The following SNTG2 variants were observed in gnomAD, a reference collection of about 807,000 sequenced individuals.
SNTG2 encodes the protein syntrophin gamma 2, also known as gamma-2-syntrophin.
SNTG2 carries 74 observed loss-of-function variants against 70.9 expected under a neutral mutation model. That is an observed-to-expected ratio of 1.04 (90% CI 0.86 to 1.27). The LOEUF (loss-of-function observed/expected upper bound fraction) is 1.27, where lower values mean the gene tolerates loss of function less well. Ranked by LOEUF, SNTG2 falls within the 50% of genes most tolerant of loss-of-function variation. The pLI is 0.00. For synonymous variants in SNTG2, 278 were observed against 273.8 expected (o/e 1.02, Z -0.15); for missense variants, 717 against 690.7 (o/e 1.04, Z -0.43).
At chr2:1,335,080 T>A (rs1659731820) in intron 16 of SNTG2, among the ~76,000 whole-genome samples, 1 of 152,190 alleles carries the variant, frequency 6.6e-6, no homozygotes, top group African/African-American at 2.4e-5. Context: ...ATAAAGAGAT[T>A]CATGTGTTTT....
intron 12 of SNTG2, among the ~76,000 whole-genome samples, chr2:1,258,204 A>T (rs1678230108): frequency 6.6e-6 from 1 of 152,194 alleles, no homozygotes; most frequent in Non-Finnish European, 1.5e-5. Flanking sequence ...TATTTCAGGC[A>T]TCCATCAGCA....
At chr2:1,117,135 T>G (rs1166028069) in intron 4 of SNTG2, among the ~76,000 whole-genome samples, 2 of 151,860 alleles carry the variant, frequency 1.3e-5, no homozygotes, top group Non-Finnish European at 2.9e-5. Flanking sequence ...GTAGGTGCTC[T>G]GGTGCGTGGG....
At chr2:1,183,882 T>A (rs1672087907) in intron 8 of SNTG2, among the ~76,000 whole-genome samples, 1 of 152,366 alleles carries the variant, frequency 6.6e-6, no homozygotes, top group African/African-American at 2.4e-5. Context: ...CCAATTTTTT[T>A]TTCTCAAACA....
At chr2:1,012,152 C>T (rs192185697) in intron 1 of SNTG2, among the ~76,000 whole-genome samples, 22 of 152,264 alleles carry the variant, frequency 1.4e-4, no homozygotes, top group African/African-American at 4.6e-4. Context: ...ATACGAGCAA[C>T]GATCACAGTG....
chr2:1,041,101 C>A (rs543347594), intron 1 of SNTG2, among the ~76,000 whole-genome samples: 3 of 152,176 alleles, frequency 2.0e-5, no homozygotes, highest in African/African-American at 4.8e-5. Context: ...GCATCTGTCC[C>A]GCAGCATGTT....
chr2:1,277,915 G>A (rs1448204990), intron 14 of SNTG2, among the ~76,000 whole-genome samples: 1 of 152,242 alleles, frequency 6.6e-6, no homozygotes, highest in South Asian at 2.1e-4. Context: ...CTCCATGTCA[G>A]TGGGGTTTCC....
intron 8 of SNTG2, among the ~76,000 whole-genome samples, chr2:1,197,549 G>GTA (rs149042012): frequency 7.2e-6 from 1 of 138,626 alleles, no homozygotes; most frequent in Non-Finnish European, 1.5e-5. Flanking sequence ...GTGTGTGTGT[G>GTA]TATATTTGAT....
intron 15 of SNTG2, among the ~76,000 whole-genome samples, chr2:1,312,231 A>G (rs956296934): frequency 1.3e-5 from 2 of 152,102 alleles, no homozygotes; most frequent in African/African-American, 4.8e-5. Context: ...TTTTTAATTA[A>G]AGAGGATAAA....
rs564774678 is a variant in SNTG2, at chr2:1,083,546, A to T, written c.101A>T (p.Asp34Val). 7.4e-6 allele frequency: 12 copies of T among 1,613,722 alleles called. No homozygotes were observed. Among genetic ancestry groups the T allele is most frequent in the South Asian group, 2.2e-5 (2 of 91,074 alleles). ...RTKTTIALLY[D>V]EESENAYDIR... is the part of the protein sequence containing the mutation. ...AAAACCACTATTGCTCTGTTGTATG[A>T]TGAAGAGTCCGAAAATGCCTATGAC... is the stretch of plus-strand genomic sequence containing the variant. The change falls in exon 2 of 17, where the codon GAT becomes GTT. Residue 34 changes from aspartate (D) to valine (V), a missense_variant. By Grantham distance (152) the Asp-to-Val change is radical. Transcript: ENST00000308624.
chr2:1,265,961 A>G (rs1393793680), intron 13 of SNTG2, among the ~76,000 whole-genome samples: 2 of 152,152 alleles, frequency 1.3e-5, no homozygotes, highest in Non-Finnish European at 1.5e-5. Context: ...GCAGCGTCCC[A>G]GGAAGGTGTC....
At chr2:1,360,058 A>G (rs538663484) in intron 16 of SNTG2, among the ~76,000 whole-genome samples, 331 of 13,390 alleles carry the variant, frequency 0.025, no homozygotes, top group African/African-American at 0.068. Context: ...TTCCCATAGG[A>G]AAAAAAAAAG....
intron 16 of SNTG2, among the ~76,000 whole-genome samples, chr2:1,348,758 C>T (rs931900606): frequency 6.6e-6 from 1 of 152,210 alleles, no homozygotes; most frequent in East Asian, 1.9e-4. Flanking sequence ...TCATATTTGA[C>T]TGAGAATAAA....
rs986493069 is a variant in SNTG2 at position 1,053,478 on chromosome 2, A to AC, written c.73-30033dup. On this transcript the variant is annotated intron_variant, in intron 1 of 16. Coordinates refer to ENST00000308624, the MANE Select transcript of SNTG2 (RefSeq NM_018968.4). The stretch of plus-strand genomic sequence containing the variant: ...GATCAGTATCACTCCATCCCCCCCC[A>AC]CCCCCCCAGCCCTTTGCAGCTAAGT... 1.7e-3 allele frequency among the ~76,000 whole-genome samples: 60 copies of AC among 35,564 alleles called. 1 individual carries two copies. In the South Asian group the frequency reaches 0.057, roughly 34 times the overall value. 23.3% of individuals were successfully genotyped at this position (35,564 alleles called of 152,430 possible). A position where few individuals can be genotyped will look rare whatever the true frequency, so the allele number is the denominator to read the frequency against.
rs1215678529 is a variant in SNTG2, at chr2:1,032,021, G to C, written c.73-51497G>C. Among the ~76,000 whole-genome samples, 4 of 152,108 alleles carry C rather than the reference G, an allele frequency of 2.6e-5. No homozygotes were observed. The East Asian group carries it at 7.7e-4, about 29-fold the overall frequency. ...ATTTTAAATTTAAAAATGGTGGGCT[G>C]TATAGTATGTGAATTATATATAATT... On this transcript the variant is annotated intron_variant, in intron 1 of 16. Transcript: ENST00000308624.
At chr2:1,278,453 C>T (rs868676951) in intron 14 of SNTG2, among the ~76,000 whole-genome samples, 3 of 152,270 alleles carry the variant, frequency 2.0e-5, no homozygotes, top group Non-Finnish European at 2.9e-5. Flanking sequence ...TCAGTTACTG[C>T]ACCATGCTAT....
At position 1,109,532 on chromosome 2, in the gene SNTG2, A is replaced by G. The variant is rs373133903; in HGVS notation, c.325+11122A>G. On this transcript the variant is annotated intron_variant, in intron 4 of 16. Coordinates refer to ENST00000308624, the MANE Select transcript of SNTG2 (RefSeq NM_018968.4). ...AGGGACGCATGATTATTCACATTTC[A>G]TAGGGCAGCAGATAAACAGGAATTA... Among the ~76,000 whole-genome samples the G allele has an allele frequency of 3.3e-5, 5 of 152,208 alleles. No homozygotes were observed. The East Asian group carries it at 9.6e-4, about 29-fold the overall frequency.
chr2:1,040,913 C>CATGTTCAGTTTGCTTT (rs1661400082), intron 1 of SNTG2, among the ~76,000 whole-genome samples: 1 of 152,202 alleles, frequency 6.6e-6, no homozygotes, highest in African/African-American at 2.4e-5. Context: ...GAGTTTGCTT[C>CATGTTCAGTTTGCTTT]ATGTTCAGTT....
In SNTG2 at chr2:1,137,627, C is replaced by G; in HGVS notation, c.331C>G (p.Gln111Glu). 6.2e-7 allele frequency: 1 copy of G among 1,612,982 alleles called. No homozygotes were observed. The highest frequency in any genetic ancestry group is 8.5e-7 in the Non-Finnish European group (1 of 1,179,600). The part of the protein sequence containing the change: ...SKIFEDQAAD[Q>E]TGMLFVGDAV... Reference sequence around the variant, plus strand: ...CCACTTTTGCCACCCTGCAGCTGACCAGACAGGGATGTTGTTCGTAGGAGA... The same window carrying G: ...CCACTTTTGCCACCCTGCAGCTGACGAGACAGGGATGTTGTTCGTAGGAGA... Residue 111 changes from glutamine (Q) to glutamate (E), a missense_variant, in exon 5 of 17, where the codon CAG becomes GAG. Physicochemically the swap from Gln to Glu is conservative, Grantham distance 29 (BLOSUM62 2). Transcript: ENST00000308624.
At chr2:1,089,014 G>T (rs1664854034) in intron 2 of SNTG2, among the ~76,000 whole-genome samples, 1 of 152,224 alleles carries the variant, frequency 6.6e-6, no homozygotes, top group South Asian at 2.1e-4. Context: ...AGTGATTTGT[G>T]AAATTTCACA....
Sources: gnomAD v4.1 joint callset for allele counts (sites outside exome capture counted in the v4.1 genomes callset) on GRCh38, gnomAD v4.1.1 for gene constraint, MANE v1.5 for transcripts, NCBI Gene and HGNC (gene_info 2026-07-23, HGNC 2026-07-21) for gene names.